Variants in SACM1L observed in about 807,000 individuals in gnomAD.
SACM1L encodes SAC1 like phosphatidylinositide phosphatase, also known as phosphatidylinositol-3-phosphatase SAC1.
Under a neutral mutation model 89.5 loss-of-function variants are expected in SACM1L, and 32 were observed. That is an observed-to-expected ratio of 0.36 (90% CI 0.27 to 0.48). The LOEUF (loss-of-function observed/expected upper bound fraction) is 0.48. SACM1L is among the 20% of genes least tolerant of loss of function. The pLI is 0.99. For synonymous variants in SACM1L, 213 were observed against 232.8 expected, an observed-to-expected ratio of 0.92 and a Z score of 0.77; for missense variants, 543 against 708.5, an observed-to-expected ratio of 0.77 and a Z score of 2.65.
intron 1 of SACM1L, among the ~76,000 whole-genome samples, chr3:45,697,269 C>CTTTTTTTTTTTTTTTTTTTTTTTTTTT: frequency 1.1e-5 from 1 of 92,120 alleles, no homozygotes; most frequent in African/African-American, 4.3e-5. Flanking sequence ...TTTTCTTTTC[C>CTTTTTTTTTTTTTTTTTTTTTTTTTTT]TTTTTTTTTT....
intron 1 of SACM1L, among the ~76,000 whole-genome samples, chr3:45,695,238 A>G (rs748678110): frequency 2.0e-5 from 3 of 151,530 alleles, no homozygotes; most frequent in Non-Finnish European, 2.9e-5. Flanking sequence ...GATGTATTAA[A>G]TTTGATCATT....
chr3:45,698,809 C>T (rs1698191353), intron 1 of SACM1L, among the ~76,000 whole-genome samples: 1 of 152,044 alleles, frequency 6.6e-6, no homozygotes, highest in South Asian at 2.1e-4. Context: ...GCTCTGTCAC[C>T]AGCCTAGAGT....
intron 1 of SACM1L, among the ~76,000 whole-genome samples, chr3:45,702,002 T>G (rs1698285791): frequency 6.6e-6 from 1 of 152,226 alleles, no homozygotes; most frequent in Admixed American, 6.5e-5. Context: ...TGCTATTCAG[T>G]AATAAAAAGG....
intron 12 of SACM1L, 26 bp downstream of exon 12, chr3:45,731,406 G>T: frequency 6.7e-7 from 1 of 1,503,224 alleles, no homozygotes; most frequent in Non-Finnish European, 9.3e-7. Context: ...TCTGTTGCAG[G>T]TCTTTTCAGA....
In SACM1L at chr3:45,709,601, T is replaced by A; in HGVS notation, c.437T>A (p.Leu146Gln). ...TYDLTHTLQR[L>Q]SNTSPEFQEM... ...GATTTGACCCATACTTTGCAGCGGC[T>A]ATCCAACACTAGTCCTGAATTCCAA... The change falls in exon 5 of 20, where the codon CTA (leucine) becomes CAA (glutamine). Residue 146 changes from leucine (L) to glutamine (Q), a missense_variant. By Grantham distance (113) the Leu-to-Gln change is moderately radical (BLOSUM62 -2). Transcript: ENST00000389061. The A allele has an allele frequency of 6.2e-7, 1 of 1,613,932 alleles. No homozygotes were observed. The highest frequency in any genetic ancestry group is 8.5e-7 in the Non-Finnish European group (1 of 1,179,866).
At chr3:45,728,143 T>G (rs1018348988) in intron 11 of SACM1L, among the ~76,000 whole-genome samples, 2 of 152,232 alleles carry the variant, frequency 1.3e-5, no homozygotes, top group African/African-American at 4.8e-5. Context: ...CAAAATATCT[T>G]TTTTCATCCT....
intron 19 of SACM1L, chr3:45,743,008 G>A (rs1699348441): frequency 6.6e-6 from 1 of 152,076 alleles, no homozygotes; most frequent in Admixed American, 6.6e-5. Context: ...ATATATTTGT[G>A]TATATGCAAA....
In SACM1L at chr3:45,703,605, A is replaced by T. The variant is rs1698323855; in HGVS notation, c.130+70A>T. ...ACATAAATTACAGTAATTAAAAAAC[A>T]TCACTCAGAGGTGTGTCAGTGTGTG... On this transcript the variant is annotated intron_variant, in intron 2 of 19. Coordinates refer to ENST00000389061, the MANE Select transcript of SACM1L (RefSeq NM_014016.5). 1.8e-5 allele frequency: 19 copies of T among 1,051,578 alleles called. No homozygotes were observed. In the South Asian group the frequency reaches 2.1e-4, roughly 12 times the overall value. 65.1% of individuals were successfully genotyped at this position (1,051,578 alleles called of 1,614,324 possible). A position where few individuals can be genotyped will look rare whatever the true frequency, so the allele number is the denominator to read the frequency against.
chr3:45,699,479 T>TTATAAAC (rs1450160951), intron 1 of SACM1L, among the ~76,000 whole-genome samples: 1 of 151,344 alleles, frequency 6.6e-6, no homozygotes, highest in African/African-American at 2.4e-5. Flanking sequence ...AAATTATAAA[T>TTATAAAC]TAAATGTTTT....
chr3:45,711,795 C>T (rs905633150), intron 5 of SACM1L, among the ~76,000 whole-genome samples: 3 of 152,176 alleles, frequency 2.0e-5, no homozygotes, highest in African/African-American at 7.2e-5. Context: ...GTGTAAATTA[C>T]ATCCATAGGG....
chr3:45,723,963 C>G (rs372585450), intron 11 of SACM1L, among the ~76,000 whole-genome samples: 14 of 90,516 alleles, frequency 1.5e-4, no homozygotes, highest in African/African-American at 4.2e-4. Context: ...CACACACACA[C>G]AGACACACAC....
At chr3:45,700,752 A>C (rs1274940365) in intron 1 of SACM1L, among the ~76,000 whole-genome samples, 1 of 152,192 alleles carries the variant, frequency 6.6e-6, no homozygotes. Context: ...AACTCACTGC[A>C]ACCTCTGCCT....
At chr3:45,713,104 A>G in intron 5 of SACM1L, 33 bp from the exon 6 acceptor site, 2 of 1,549,150 alleles carry the variant, frequency 1.3e-6, no homozygotes, top group Non-Finnish European at 1.8e-6. Flanking sequence ...GCTTGGCAGG[A>G]GATATTTTAT....
At chr3:45,702,967 A>G (rs908179027) in intron 1 of SACM1L, among the ~76,000 whole-genome samples, 5 of 152,206 alleles carry the variant, frequency 3.3e-5, no homozygotes, top group African/African-American at 9.7e-5. Context: ...CTTGCTTACT[A>G]TGCGTCAGAT....
At chr3:45,735,396 T>C (rs749295000) in intron 14 of SACM1L, 23 bp downstream of exon 14, 1 of 1,478,250 alleles carries the variant, frequency 6.8e-7, no homozygotes, top group Non-Finnish European at 9.0e-7. Flanking sequence ...TTTTTTTTTT[T>C]AATTGAAAAA....
intron 3 of SACM1L, 46 bp downstream of exon 3, chr3:45,705,255 G>C: frequency 8.4e-7 from 1 of 1,188,930 alleles, no homozygotes; most frequent in Non-Finnish European, 1.3e-6. Flanking sequence ...AATTAGCAAG[G>C]TAGTTAAATT....
intron 3 of SACM1L, 103 bp from the exon 4 acceptor site, chr3:45,706,677 A>G: frequency 1.1e-6 from 1 of 927,174 alleles, no homozygotes; most frequent in Non-Finnish European, 1.6e-6. Flanking sequence ...GGCACAATAT[A>G]GTCTCATTCT....
chr3:45,739,780 T>A, intron 19 of SACM1L, 136 bp downstream of exon 19: 1 of 782,378 alleles, frequency 1.3e-6, no homozygotes, highest in Non-Finnish European at 2.2e-6. Flanking sequence ...GACATTAGAT[T>A]GTCATTAGAT....
At chr3:45,705,548 G>T (rs1405494683) in intron 3 of SACM1L, among the ~76,000 whole-genome samples, 1 of 144,390 alleles carries the variant, frequency 6.9e-6, no homozygotes, top group African/African-American at 2.6e-5. Flanking sequence ...TGTTGCCCAG[G>T]CTGGAGTGCA....
Sources: gnomAD v4.1 joint callset for allele counts (sites outside exome capture counted in the v4.1 genomes callset) on GRCh38, gnomAD v4.1.1 for gene constraint, MANE v1.5 for transcripts, NCBI Gene and HGNC (gene_info 2026-07-23, HGNC 2026-07-21) for gene names.